The following SYNE3 variants were observed in gnomAD, a reference collection of about 807,000 sequenced individuals.
The protein encoded by SYNE3 is spectrin repeat containing nuclear envelope family member 3.
In SYNE3, 100 loss-of-function variants were observed where a neutral mutation model predicts 111.2. The observed-to-expected ratio is 0.90, with a 90% confidence interval of 0.77 to 1.06. The LOEUF is 1.06. SYNE3 is among the 50% of genes least tolerant of loss of function. The pLI, the probability that SYNE3 is intolerant of heterozygous loss-of-function variation, is 0.00. For missense variants in SYNE3, 1,160 were observed against 1,240.3 expected, an observed-to-expected ratio of 0.94 and a Z score of 0.97; for synonymous variants, 547 against 533.9, an observed-to-expected ratio of 1.02 and a Z score of -0.34.
chr14:95,478,284 C>G (rs1023648399), intron 1 of SYNE3, among the ~76,000 whole-genome samples: 1 of 152,194 alleles, frequency 6.6e-6, no homozygotes, highest in Non-Finnish European at 1.5e-5. Flanking sequence ...AATAAGCAGA[C>G]AGCAGACACT....
Position 95,416,425 on chromosome 14 carries a change from A to G in SYNE3, c.*1401T>C, listed in dbSNP as rs1903583313. 1 of 152,244 alleles carries G rather than the reference A, an allele frequency of 6.6e-6. No individual in the cohort carries two copies. Among genetic ancestry groups the G allele is most frequent in the Admixed American group, 6.5e-5 (1 of 15,286 alleles). 9.4% of individuals were successfully genotyped at this position (152,244 alleles called of 1,614,324 possible). On this transcript the variant is annotated 3_prime_UTR_variant, in exon 18 of 18. Transcript: ENST00000682763. Reference sequence around the variant, plus strand: ...CAAAATCCATTTGTAGAGAGTGGGCATTAAGTACTTTTTTAAAGGGGAAAA... The same window carrying G: ...CAAAATCCATTTGTAGAGAGTGGGCGTTAAGTACTTTTTTAAAGGGGAAAA...
intron 4 of SYNE3, among the ~76,000 whole-genome samples, chr14:95,461,784 A>G (rs947274769): frequency 2.0e-5 from 3 of 152,242 alleles, no homozygotes; most frequent in Non-Finnish European, 2.9e-5. Flanking sequence ...CTGCCCCAAG[A>G]GAGACCTTTT....
rs910564717 is a variant in SYNE3 at position 95,434,165 on chromosome 14, T to G, written c.2539-756A>C. 3.3e-5 allele frequency among the ~76,000 whole-genome samples: 5 copies of G among 151,580 alleles called. No individual in the cohort carries two copies. The East Asian group carries it at 5.8e-4, about 18-fold the overall frequency. ...TCCAGGTAATGGCCAACTAGATAAT[T>G]GGGACCAAACCTCCCACTAAGGACA... On this transcript the variant is annotated intron_variant, in intron 15 of 17. Coordinates refer to ENST00000682763, the MANE Select transcript of SYNE3 (RefSeq NM_152592.6).
intron 14 of SYNE3, 79 bp from the exon 15 acceptor site, chr14:95,437,060 C>T (rs531490074): frequency 3.2e-6 from 5 of 1,581,912 alleles, no homozygotes; most frequent in African/African-American, 2.7e-5. Context: ...CCACCTGAGG[C>T]AGAGGGGCAG....
intron 17 of SYNE3, among the ~76,000 whole-genome samples, chr14:95,419,571 G>A (rs1357920649): frequency 6.6e-6 from 1 of 151,898 alleles, no homozygotes. Context: ...AAGAACCAAG[G>A]TTCACCCTCC....
At chr14:95,443,363 G>A in intron 10 of SYNE3, 74 bp from the exon 11 acceptor site, 1 of 1,571,160 alleles carries the variant, frequency 6.4e-7, no homozygotes, top group South Asian at 1.2e-5. Flanking sequence ...TCAGGGCAGA[G>A]CCTCTGAGTG....
intron 15 of SYNE3, among the ~76,000 whole-genome samples, chr14:95,435,626 G>A (rs1265478312): frequency 5.9e-5 from 9 of 152,108 alleles, no homozygotes; most frequent in Non-Finnish European, 1.3e-4. Context: ...AAAAAAATAA[G>A]GTTAGAGAGT....
chr14:95,491,247 A>C (rs1041974344), intron 1 of SYNE3, among the ~76,000 whole-genome samples: 11 of 152,234 alleles, frequency 7.2e-5, no homozygotes, highest in South Asian at 4.1e-4. Context: ...GTCCTTCGGA[A>C]TTCTCTTATC....
chr14:95,514,783 T>G (rs1489779527), intron 1 of SYNE3, among the ~76,000 whole-genome samples: 1 of 152,208 alleles, frequency 6.6e-6, no homozygotes, highest in African/African-American at 2.4e-5. Flanking sequence ...AGCTGCCCAG[T>G]GGGTTCCCAA....
intron 1 of SYNE3, among the ~76,000 whole-genome samples, chr14:95,482,605 T>G (rs1889325998): frequency 1.3e-5 from 2 of 152,082 alleles, no homozygotes; most frequent in African/African-American, 4.8e-5. Context: ...AACGTCAGTT[T>G]CAGGGAGTGA....
chr14:95,407,832 AAC>A lies in SYNE3; in HGVS notation c.*9992_*9993del, dbSNP rs1290432892. 1.3e-5 allele frequency: 2 copies of A among 152,102 alleles called. No individual in the cohort carries two copies. The highest frequency in any genetic ancestry group is 4.8e-5 in the African/African-American group (2 of 41,402). 9.4% of individuals were successfully genotyped at this position (152,102 alleles called of 1,614,324 possible). A position where few individuals can be genotyped will look rare whatever the true frequency, so the allele number is the denominator to read the frequency against. On this transcript the variant is annotated 3_prime_UTR_variant, in exon 18 of 18. Coordinates refer to ENST00000682763, the MANE Select transcript of SYNE3 (RefSeq NM_152592.6). Reference sequence around the variant, plus strand: ...CCATTGCTTGGTCCACACTGCATGAAACACACCATTCCAGCTACATGAACAGG... The same window carrying A: ...CCATTGCTTGGTCCACACTGCATGAAACACCATTCCAGCTACATGAACAGG...
intron 11 of SYNE3, among the ~76,000 whole-genome samples, chr14:95,441,792 A>G (rs1296344280): frequency 6.6e-6 from 1 of 152,210 alleles, no homozygotes; most frequent in African/African-American, 2.4e-5. Context: ...CGTCACTTAC[A>G]CCAATGGGGC....
intron 4 of SYNE3, among the ~76,000 whole-genome samples, chr14:95,460,247 T>C (rs1887705832): frequency 6.6e-6 from 1 of 151,992 alleles, no homozygotes; most frequent in South Asian, 2.1e-4. Context: ...CTCTGTTGCC[T>C]AGACTGGAGT....
At chr14:95,464,432 C>T (rs1888033560) in intron 4 of SYNE3, among the ~76,000 whole-genome samples, 2 of 152,150 alleles carry the variant, frequency 1.3e-5, no homozygotes, top group African/African-American at 2.4e-5. Context: ...CTGCCCGCCC[C>T]CACTAGCCAA....
rs116372862 is a variant in SYNE3 at position 95,425,351 on chromosome 14, G to C, written c.2727+6728C>G. Among the ~76,000 whole-genome samples, 440 of 152,326 alleles carry C rather than the reference G, an allele frequency of 2.9e-3. 1 individual carries two copies. The highest frequency in any genetic ancestry group is 0.01 in the African/African-American group (419 of 41,562). ...CAGGTAAAAGAAGTCAGTCTGAAAGGCTGCATAGTGTATGAATCCAGCCAT... is the reference window on the plus strand; with the variant it reads ...CAGGTAAAAGAAGTCAGTCTGAAAGCCTGCATAGTGTATGAATCCAGCCAT... On this transcript the variant is annotated intron_variant, in intron 17 of 17. Transcript: ENST00000682763.
chr14:95,438,829 C>T (rs1886242835), intron 14 of SYNE3: 1 of 644,060 alleles, frequency 1.6e-6, no homozygotes, highest in Non-Finnish European at 2.6e-6. Context: ...TCTGCAGACT[C>T]TGGGATCTCT....
chr14:95,475,339 G>A (rs563357311), intron 2 of SYNE3, among the ~76,000 whole-genome samples: 1 of 152,036 alleles, frequency 6.6e-6, no homozygotes, highest in Non-Finnish European at 1.5e-5. Context: ...AAGCCCCCCA[G>A]CAAGGGCTGG....
chr14:95,445,657 G>T (rs1165935050), intron 9 of SYNE3, among the ~76,000 whole-genome samples: 2 of 152,230 alleles, frequency 1.3e-5, no homozygotes, highest in Non-Finnish European at 2.9e-5. Context: ...CAATTTGATT[G>T]CAGGGGGTTT....
In SYNE3 at chr14:95,471,490, A is replaced by G. The variant is rs1442581402; in HGVS notation, c.145-3523T>C. Among the ~76,000 whole-genome samples the G allele has an allele frequency of 2.0e-5, 3 of 152,332 alleles. No homozygotes were observed. The East Asian group carries it at 5.8e-4, about 29-fold the overall frequency. ...CCAAGGCAGAGGAGCTGGCTGGTCC[A>G]AAGGCAGGCAAGACACCAAGCCCCC... On this transcript the variant is annotated intron_variant, in intron 2 of 17. Transcript: ENST00000682763.
Sources: allele counts gnomAD v4.1 joint callset (sites outside exome capture counted in the v4.1 genomes callset), GRCh38; gene constraint gnomAD v4.1.1; transcripts MANE v1.5; gene names NCBI Gene and HGNC (gene_info 2026-07-23, HGNC 2026-07-21).